The following MDFIC2 variants were observed in gnomAD, a reference collection of about 807,000 sequenced individuals.
MDFIC2 encodes MyoD family inhibitor domain containing 2.
intron 2 of MDFIC2, among the ~76,000 whole-genome samples, chr3:70,252,752 CA>C (rs1193199116): frequency 6.6e-6 from 1 of 151,976 alleles, no homozygotes; most frequent in African/African-American, 2.4e-5. Flanking sequence ...GTGGATACAT[CA>C]GTGAACAAAA....
rs1383648166 is a variant in MDFIC2 at position 70,195,912 on chromosome 3, A to G, written c.*1014T>C. On this transcript the variant is annotated 3_prime_UTR_variant, in exon 4 of 4. Coordinates refer to ENST00000567252, the MANE Select transcript of MDFIC2 (RefSeq NM_001364677.1). Reference sequence around the variant, plus strand: ...ATCACATCTTTTTCTTAAAAAAATAAGTAAAATAAGTACTTGACATAATTA... The same window carrying G: ...ATCACATCTTTTTCTTAAAAAAATAGGTAAAATAAGTACTTGACATAATTA... Among the ~76,000 whole-genome samples, 1 of 152,208 alleles carries G rather than the reference A, an allele frequency of 6.6e-6. No homozygotes were observed. The highest frequency in any genetic ancestry group is 2.4e-5 in the African/African-American group (1 of 41,466).
intron 2 of MDFIC2, among the ~76,000 whole-genome samples, chr3:70,242,066 C>G (rs1481889062): frequency 6.6e-6 from 1 of 152,150 alleles, no homozygotes; most frequent in Non-Finnish European, 1.5e-5. Context: ...GAGACAATTT[C>G]CTCGTAAGGG....
intron 2 of MDFIC2, chr3:70,249,095 C>A (rs1701735392): frequency 6.6e-6 from 1 of 152,158 alleles, no homozygotes; most frequent in African/African-American, 2.4e-5. Context: ...AGTCCCTGAT[C>A]TTTTCTTTAA....
chr3:70,290,803 G>A (rs1280592462), intron 2 of MDFIC2, among the ~76,000 whole-genome samples: 1 of 152,154 alleles, frequency 6.6e-6, no homozygotes, highest in African/African-American at 2.4e-5. Context: ...GCAGTATTCG[G>A]GTGGGAGTGA....
intron 2 of MDFIC2, among the ~76,000 whole-genome samples, chr3:70,290,630 TG>T (rs1559555467): frequency 6.6e-6 from 1 of 152,200 alleles, no homozygotes; most frequent in Non-Finnish European, 1.5e-5. Flanking sequence ...TCAGCAAGCC[TG>T]GGCAATGGCG....
rs372696474 is a variant in MDFIC2 at position 70,261,885 on chromosome 3, A to C, written c.88+50001T>G. On this transcript the variant is annotated intron_variant, in intron 2 of 3. Transcript: ENST00000567252. The stretch of plus-strand genomic sequence containing the variant: ...AACAAGGGGTTTGTTATCCAAGAAG[A>C]TCCGGGGCTGAAATCCACTGTTTCA... Among the ~76,000 whole-genome samples the C allele has an allele frequency of 1.1e-4, 17 of 152,224 alleles. No individual in the cohort carries two copies. The East Asian group carries it at 3.1e-3, about 28-fold the overall frequency.
chr3:70,255,561 T>A (rs545577437), intron 2 of MDFIC2, among the ~76,000 whole-genome samples: 3 of 152,092 alleles, frequency 2.0e-5, no homozygotes, highest in South Asian at 4.1e-4. Flanking sequence ...TCAGTCCTCC[T>A]GCCTCAGTCC....
intron 2 of MDFIC2, among the ~76,000 whole-genome samples, chr3:70,239,962 G>A (rs1701650322): frequency 6.6e-6 from 1 of 151,966 alleles, no homozygotes; most frequent in Admixed American, 6.6e-5. Flanking sequence ...ACTGACCAAA[G>A]TAGTAAGCTT....
chr3:70,298,672 A>G (rs572407921), intron 2 of MDFIC2, among the ~76,000 whole-genome samples: 1 of 152,228 alleles, frequency 6.6e-6, no homozygotes, highest in African/African-American at 2.4e-5. Context: ...AGGTTTAAAA[A>G]TACCCCAGCT....
At chr3:70,269,130 G>A (rs1002375989) in intron 2 of MDFIC2, among the ~76,000 whole-genome samples, 6 of 151,988 alleles carry the variant, frequency 3.9e-5, no homozygotes, top group Non-Finnish European at 7.4e-5. Context: ...TATTTACAAG[G>A]CTGACATATC....
intron 2 of MDFIC2, among the ~76,000 whole-genome samples, chr3:70,294,762 T>C (rs1702274081): frequency 6.6e-6 from 1 of 152,196 alleles, no homozygotes; most frequent in South Asian, 2.1e-4. Context: ...TTTTTTTCCA[T>C]GTCATTTTAG....
chr3:70,306,894 G>A (rs1702406455), intron 2 of MDFIC2, among the ~76,000 whole-genome samples: 1 of 152,000 alleles, frequency 6.6e-6, no homozygotes, highest in South Asian at 2.1e-4. Flanking sequence ...GTATAAATAT[G>A]TATGTATATG....
chr3:70,206,213 C>G (rs1032062965), intron 3 of MDFIC2, among the ~76,000 whole-genome samples: 5 of 151,932 alleles, frequency 3.3e-5, no homozygotes, highest in African/African-American at 1.2e-4. Context: ...TTTCTCTCTG[C>G]CTTCTTTTCT....
At chr3:70,205,153 AC>A (rs1470031202) in intron 3 of MDFIC2, 2 of 152,076 alleles carry the variant, frequency 1.3e-5, no homozygotes, top group African/African-American at 4.8e-5. Flanking sequence ...ACCCTGGAAA[AC>A]TTAGAAATTT....
At chr3:70,290,879 G>A (rs1003284223) in intron 2 of MDFIC2, among the ~76,000 whole-genome samples, 1 of 152,186 alleles carries the variant, frequency 6.6e-6, no homozygotes, top group Non-Finnish European at 1.5e-5. Context: ...CTGACCCCTT[G>A]CGCTTCCCGA....
chr3:70,264,436 C>T (rs187655475), intron 2 of MDFIC2, among the ~76,000 whole-genome samples: 51 of 152,306 alleles, frequency 3.3e-4, no homozygotes, highest in Admixed American at 1.2e-3. Context: ...AACTGAATAT[C>T]GGCTTGCTAA....
At position 70,306,717 on chromosome 3, in the gene MDFIC2, G is replaced by A. The variant is rs147787504; in HGVS notation, c.88+5169C>T. On this transcript the variant is annotated intron_variant, in intron 2 of 3. Transcript: ENST00000567252. Reference sequence around the variant, plus strand: ...GCTTTGGTGCATTAAAGGTACACTTGGAACTTGGAATGATTTGTTTTTCCC... The same window carrying A: ...GCTTTGGTGCATTAAAGGTACACTTAGAACTTGGAATGATTTGTTTTTCCC... Among the ~76,000 whole-genome samples, 355 of 152,130 alleles carry A rather than the reference G, an allele frequency of 2.3e-3. 3 individuals are homozygous for A. Among genetic ancestry groups the A allele is most frequent in the African/African-American group, 7.9e-3 (326 of 41,502 alleles).
Position 70,195,919 on chromosome 3 carries a change from T to C in MDFIC2, c.*1007A>G, listed in dbSNP as rs897651586. Among the ~76,000 whole-genome samples the C allele has an allele frequency of 5.9e-5, 9 of 152,134 alleles. No individual in the cohort carries two copies. Among genetic ancestry groups the C allele is most frequent in the Non-Finnish European group, 1.2e-4 (8 of 68,010 alleles). ...CTTTTTCTTAAAAAAATAAGTAAAATAAGTACTTGACATAATTATTGATCA... is the reference window on the plus strand; with the variant it reads ...CTTTTTCTTAAAAAAATAAGTAAAACAAGTACTTGACATAATTATTGATCA... On this transcript the variant is annotated 3_prime_UTR_variant, in exon 4 of 4. Coordinates refer to ENST00000567252, the MANE Select transcript of MDFIC2 (RefSeq NM_001364677.1).
At chr3:70,302,627 AT>A (rs1325275952) in intron 2 of MDFIC2, 2 of 152,120 alleles carry the variant, frequency 1.3e-5, no homozygotes, top group Non-Finnish European at 2.9e-5. Flanking sequence ...GGACTGGAGG[AT>A]TGGTTCCTGG....
Sources: gnomAD v4.1 joint callset for allele counts (sites outside exome capture counted in the v4.1 genomes callset) on GRCh38, gnomAD v4.1.1 for gene constraint, MANE v1.5 for transcripts, NCBI Gene and HGNC (gene_info 2026-07-23, HGNC 2026-07-21) for gene names.